PRDM11: variants seen among roughly 807,000 people sequenced by gnomAD.
PRDM11 encodes PR domain-containing protein 11.
PRDM11 carries 20 observed loss-of-function variants against 97.8 expected under a neutral mutation model. The observed-to-expected ratio is 0.20, with a 90% CI of 0.14 to 0.30. PRDM11 has a LOEUF of 0.30. Ranked by LOEUF, PRDM11 falls within the 10% of genes least tolerant of loss-of-function variation. The pLI is 1.00. For missense variants in PRDM11, 1,139 were observed against 1,555.2 expected (o/e 0.73, Z 4.50); for synonymous variants, 599 against 637.7 (o/e 0.94, Z 0.91).
At chr11:45,213,794 G>C (rs1473497349) in intron 5 of PRDM11, 1 of 446,314 alleles carries the variant, frequency 2.2e-6, no homozygotes, top group Non-Finnish European at 4.6e-6. Context: ...GACACAGCCA[G>C]TTAGTGAGAG....
chr11:45,144,181 G>A (rs1040520671), upstream of PRDM11, among the ~76,000 whole-genome samples: 4 of 152,136 alleles, frequency 2.6e-5, no homozygotes, highest in African/African-American at 9.7e-5. Context: ...GTTTCTTGAG[G>A]GCAAAATATA....
intron 4 of PRDM11, among the ~76,000 whole-genome samples, chr11:45,199,691 G>A (rs1565317130): frequency 6.6e-6 from 1 of 152,186 alleles, no homozygotes; most frequent in Non-Finnish European, 1.5e-5. Context: ...CTTGTCCTGA[G>A]CATCTGGCCC....
intron 7 of PRDM11, among the ~76,000 whole-genome samples, chr11:45,225,260 T>C (rs1384735654): frequency 6.6e-6 from 1 of 152,174 alleles, no homozygotes; most frequent in Non-Finnish European, 1.5e-5. Context: ...GCCTTGTTCT[T>C]CTCTTCCTGA....
intron 1 of PRDM11, among the ~76,000 whole-genome samples, chr11:45,123,081 C>G (rs564940170): frequency 6.6e-6 from 1 of 152,088 alleles, no homozygotes; most frequent in Non-Finnish European, 1.5e-5. Flanking sequence ...ATTTGCATTT[C>G]TCTGATGGCC....
intron 1 of PRDM11, among the ~76,000 whole-genome samples, chr11:45,128,472 C>T (rs1284868846): frequency 2.6e-5 from 4 of 152,134 alleles, no homozygotes; most frequent in Non-Finnish European, 5.9e-5. Context: ...GGAGCTCTTC[C>T]TATTCAGCCA....
intron 1 of PRDM11, among the ~76,000 whole-genome samples, chr11:45,135,128 A>ACTCTCTCTCTCTCT (rs58588988): frequency 1.3e-5 from 2 of 148,838 alleles, no homozygotes; most frequent in African/African-American, 4.9e-5. Context: ...TTTTAATTAT[A>ACTCTCTCTCTCTCT]CTCTCTCTCT....
intron 5 of PRDM11, among the ~76,000 whole-genome samples, chr11:45,205,068 G>GGGA (rs779448632): frequency 2.8e-4 from 43 of 152,290 alleles, no homozygotes; most frequent in Non-Finnish European, 4.9e-4. Context: ...AGCATTCCTA[G>GGGA]GGAGGAGGAG....
intron 1 of PRDM11, among the ~76,000 whole-genome samples, chr11:45,179,361 C>T (rs745786190): frequency 8.5e-5 from 13 of 152,166 alleles, no homozygotes; most frequent in South Asian, 2.1e-4. Flanking sequence ...TCTGTGTCCA[C>T]GGAATACAGC....
intron 1 of PRDM11, among the ~76,000 whole-genome samples, chr11:45,111,384 C>G (rs1852175857): frequency 1.8e-5 from 1 of 54,550 alleles, no homozygotes; most frequent in East Asian, 3.4e-4. Flanking sequence ...GAACCCATTT[C>G]ACAGCGACAG....
intron 1 of PRDM11, among the ~76,000 whole-genome samples, chr11:45,174,581 G>A (rs963714365): frequency 2.6e-5 from 4 of 152,154 alleles, no homozygotes; most frequent in African/African-American, 7.2e-5. Context: ...TGCATCAAGC[G>A]CCACTTGTGT....
intron 1 of PRDM11, among the ~76,000 whole-genome samples, chr11:45,126,838 T>C (rs1027404874): frequency 4.6e-5 from 7 of 152,062 alleles, no homozygotes; most frequent in African/African-American, 1.7e-4. Flanking sequence ...TCTCGAGGAG[T>C]ATCTTTGTGG....
intron 1 of PRDM11, among the ~76,000 whole-genome samples, chr11:45,102,827 G>C (rs755744639): frequency 1.3e-5 from 2 of 152,254 alleles, no homozygotes; most frequent in Non-Finnish European, 2.9e-5. Context: ...TTCAATGCCA[G>C]AGCAGTCAGG....
rs1033561235 is a variant in PRDM11, at chr11:45,208,573, T to G, written c.554+3795T>G. Among the ~76,000 whole-genome samples the G allele has an allele frequency of 3.3e-5, 5 of 152,052 alleles. No homozygotes were observed. The East Asian group carries it at 9.7e-4, about 29-fold the overall frequency. ...GTTATTCTGGACAGGGAGAATAAGG[T>G]GTGAAAGGTTGAACATGAACTGCCC... On this transcript the variant is annotated intron_variant, in intron 5 of 7. Coordinates refer to ENST00000683152, the MANE Select transcript of PRDM11 (RefSeq NM_001384648.1).
In PRDM11 at chr11:45,234,619, C is replaced by T. The variant is rs1565364847; in HGVS notation, c.*6460C>T. 2 of 152,318 alleles carry T rather than the reference C, an allele frequency of 1.3e-5. No individual in the cohort carries two copies. Among genetic ancestry groups the T allele is most frequent in the African/African-American group, 4.8e-5 (2 of 41,438 alleles). The allele number at this position is 152,318 out of a possible 1,614,324, so 9.4% of individuals were successfully genotyped here. On this transcript the variant is annotated 3_prime_UTR_variant, in exon 8 of 8. Transcript: ENST00000683152. ...GTAGCAATCCCACAATGCACTGTAC[C>T]TCAGAGAGAGAGCACGCCAGGGGCA...
intron 1 of PRDM11, among the ~76,000 whole-genome samples, chr11:45,111,005 G>T (rs1852166743): frequency 6.6e-6 from 1 of 150,972 alleles, no homozygotes; most frequent in Admixed American, 6.6e-5. Context: ...ACGTCCAATG[G>T]TTCCCCGAGA....
At chr11:45,161,883 C>A (rs963833042) in intron 1 of PRDM11, among the ~76,000 whole-genome samples, 1 of 152,232 alleles carries the variant, frequency 6.6e-6, no homozygotes, top group Non-Finnish European at 1.5e-5. Context: ...GACACTGAGG[C>A]TCCAGGAGGT....
rs1183339151 is a variant in PRDM11, at chr11:45,194,590, C to CTTTTTTT, written c.487-10120_487-10119insTTTTTTT. 6.9e-3 allele frequency among the ~76,000 whole-genome samples: 621 copies of CTTTTTTT among 89,940 alleles called. 125 individuals are homozygous for CTTTTTTT. The highest frequency in any genetic ancestry group is 0.014 in the South Asian group (35 of 2,472). The allele number at this position is 89,940 out of a possible 152,430, so 59.0% of individuals were successfully genotyped here. ...AGTACTGTGGGATAGTTATTATCTT[C>CTTTTTTT]TGTTTTTTTTTTTTTTTTTTTTTTT... On this transcript the variant is annotated intron_variant, in intron 4 of 7. Transcript: ENST00000683152.
intron 1 of PRDM11, among the ~76,000 whole-genome samples, chr11:45,163,458 G>A (rs1851978951): frequency 6.7e-6 from 1 of 150,204 alleles, no homozygotes; most frequent in Non-Finnish European, 1.5e-5. Flanking sequence ...GCCCCTGTGT[G>A]TCCCAAAGGT....
chr11:45,207,660 T>C (rs970003202), intron 5 of PRDM11, among the ~76,000 whole-genome samples: 1 of 152,224 alleles, frequency 6.6e-6, no homozygotes, highest in African/African-American at 2.4e-5. Context: ...AGAAGGAGAC[T>C]GGGTTCACAC....
Sources: gnomAD v4.1 joint callset for allele counts (sites outside exome capture counted in the v4.1 genomes callset) on GRCh38, gnomAD v4.1.1 for gene constraint, MANE v1.5 for transcripts, NCBI Gene and HGNC (gene_info 2026-07-23, HGNC 2026-07-21) for gene names.